MINDY2: variants seen among roughly 807,000 people sequenced by gnomAD.
The protein encoded by MINDY2 is ubiquitin carboxyl-terminal hydrolase MINDY-2.
A neutral mutation model predicts 68.2 loss-of-function variants in MINDY2; 52 were observed. The ratio of observed to expected loss-of-function variants is 0.76; its 90% CI spans 0.61 to 0.96. MINDY2 has a LOEUF of 0.96. MINDY2 is among the 40% of genes least tolerant of loss of function. The pLI, the probability that MINDY2 is intolerant of heterozygous loss-of-function variation, is 0.00. For missense variants in MINDY2, 881 were observed against 773.4 expected, an observed-to-expected ratio of 1.14 and a Z score of -1.65; for synonymous variants, 372 against 303.0, an observed-to-expected ratio of 1.23 and a Z score of -2.36.
chr15:58,854,938 T>C lies in MINDY2; in HGVS notation c.*328T>C, dbSNP rs2033009551. On this transcript the variant is annotated 3_prime_UTR_variant, in exon 9 of 9. Coordinates refer to ENST00000559228, the MANE Select transcript of MINDY2 (RefSeq NM_001040450.3). ...ACTCATATCAGTTAGTAAGCTATTA[T>C]ATCTTCTGTTCTAACAATGAATGGA... The C allele has an allele frequency of 1.1e-5, 2 of 174,324 alleles. No individual in the cohort carries two copies. Among genetic ancestry groups the C allele is most frequent in the Admixed American group, 5.8e-5 (1 of 17,308 alleles). The allele number at this position is 174,324 out of a possible 1,614,324, so 10.8% of individuals were successfully genotyped here.
In MINDY2 at chr15:58,771,627, C is replaced by A. The variant is rs781111103; in HGVS notation, c.232C>A (p.Pro78Thr). ...SPAGSPEVPGPCSSSAGLDLK... is the reference protein window; with the variant it reads ...SPAGSPEVPGTCSSSAGLDLK... ...CGCGGGCTCTCCTGAGGTTCCCGGA[C>A]CCTGCAGCTCCTCCGCGGGTTTGGA... is the stretch of plus-strand genomic sequence containing the variant. The change falls in exon 1 of 9, where the codon CCC becomes ACC. Residue 78 changes from proline (P) to threonine (T), a missense_variant. By Grantham distance (38) the Pro-to-Thr change is conservative. Coordinates refer to ENST00000559228, the MANE Select transcript of MINDY2 (RefSeq NM_001040450.3). 5 of 1,612,226 alleles carry A rather than the reference C, an allele frequency of 3.1e-6. No individual in the cohort carries two copies. The highest frequency in any genetic ancestry group is 4.2e-6 in the Non-Finnish European group (5 of 1,179,864).
intron 4 of MINDY2, among the ~76,000 whole-genome samples, chr15:58,816,642 C>G (rs2030705612): frequency 1.3e-5 from 2 of 151,774 alleles, no homozygotes; most frequent in Admixed American, 1.3e-4. Context: ...CTAAAAAGAT[C>G]ACTATACAGA....
At chr15:58,836,334 A>G (rs1350214649) in intron 6 of MINDY2, among the ~76,000 whole-genome samples, 1 of 151,402 alleles carries the variant, frequency 6.6e-6, no homozygotes, top group African/African-American at 2.4e-5. Flanking sequence ...AATCTAGTCC[A>G]TATTCAAATT....
At chr15:58,799,126 A>G (rs142425188) in intron 2 of MINDY2, among the ~76,000 whole-genome samples, 1 of 152,354 alleles carries the variant, frequency 6.6e-6, no homozygotes, top group African/African-American at 2.4e-5. Flanking sequence ...TGATGTAGGC[A>G]AAGAAATTCT....
intron 6 of MINDY2, among the ~76,000 whole-genome samples, chr15:58,843,370 G>T (rs1595776165): frequency 6.6e-6 from 1 of 151,976 alleles, no homozygotes; most frequent in African/African-American, 2.4e-5. Flanking sequence ...AGGCAGGTCT[G>T]AAACTCCTGA....
intron 3 of MINDY2, among the ~76,000 whole-genome samples, chr15:58,803,945 G>GAA (rs34082956): frequency 2.6e-4 from 20 of 77,230 alleles, no homozygotes; most frequent in South Asian, 4.5e-4. Context: ...CAGCTCTACT[G>GAA]AAAAAAAAAA....
intron 4 of MINDY2, among the ~76,000 whole-genome samples, chr15:58,812,544 C>T (rs2140979233): frequency 6.6e-6 from 1 of 151,702 alleles, no homozygotes; most frequent in Middle Eastern, 3.4e-3. Flanking sequence ...AATATCAAAA[C>T]CAGGAAATTG....
intron 7 of MINDY2, among the ~76,000 whole-genome samples, chr15:58,850,429 AAAT>A (rs532447329): frequency 1.3e-3 from 202 of 152,326 alleles, no homozygotes; most frequent in Non-Finnish European, 1.9e-3. Context: ...GAATGTAGAA[AAAT>A]AATAATAAAC....
At chr15:58,818,756 C>T (rs1358714073) in intron 4 of MINDY2, among the ~76,000 whole-genome samples, 1 of 150,622 alleles carries the variant, frequency 6.6e-6, no homozygotes, top group East Asian at 2.0e-4. Flanking sequence ...CCTCCTGTCT[C>T]AGCCTCCCAA....
At chr15:58,826,251 T>C (rs2141009153) in intron 5 of MINDY2, among the ~76,000 whole-genome samples, 1 of 133,402 alleles carries the variant, frequency 7.5e-6, no homozygotes, top group South Asian at 2.3e-4. Flanking sequence ...TTTTTTGAGA[T>C]GGAGTTTTGC....
chr15:58,819,202 A>G lies in MINDY2; in HGVS notation c.1123-2515A>G, dbSNP rs11638653. Among the ~76,000 whole-genome samples, 935 of 152,314 alleles carry G rather than the reference A, an allele frequency of 6.1e-3. 4 individuals carry two copies. The highest frequency in any genetic ancestry group is 8.0e-3 in the Non-Finnish European group (544 of 68,036). On this transcript the variant is annotated intron_variant, in intron 4 of 8. Coordinates refer to ENST00000559228, the MANE Select transcript of MINDY2 (RefSeq NM_001040450.3). ...GGTGGCTAACGCCTGTGATCCCAAC[A>G]TTTTGAAAGACCAAGATGGGAGAAT...
intron 4 of MINDY2, chr15:58,815,814 G>A (rs1051823904): frequency 2.6e-5 from 4 of 152,016 alleles, no homozygotes; most frequent in Non-Finnish European, 5.9e-5. Flanking sequence ...TGAGCAGCTG[G>A]GACTATAGGC....
intron 7 of MINDY2, 121 bp from the exon 8 acceptor site, chr15:58,851,650 A>T (rs1296726100): frequency 1.3e-5 from 10 of 769,842 alleles, no homozygotes; most frequent in African/African-American, 3.7e-5. Context: ...TATATTGCCC[A>T]GGCCTGGTGT....
chr15:58,804,913 A>G (rs1408390850), intron 3 of MINDY2, among the ~76,000 whole-genome samples: 1 of 152,178 alleles, frequency 6.6e-6, no homozygotes, highest in Non-Finnish European at 1.5e-5. Context: ...GGATTACTTG[A>G]GCCTAGGAGT....
intron 2 of MINDY2, among the ~76,000 whole-genome samples, chr15:58,792,918 C>T (rs565587515): frequency 1.6e-4 from 24 of 151,914 alleles, no homozygotes; most frequent in African/African-American, 5.5e-4. Flanking sequence ...GGGAGGATCA[C>T]TTGAACCCAG....
chr15:58,774,544 C>T (rs2140886791), intron 1 of MINDY2, among the ~76,000 whole-genome samples: 1 of 151,268 alleles, frequency 6.6e-6, no homozygotes, highest in South Asian at 2.1e-4. Flanking sequence ...GCAAATCTGC[C>T]CTCGTGTAGC....
rs547008527 is a variant in MINDY2, at chr15:58,772,050, A to C, written c.655A>C (p.Lys219Gln). ...AVLPGAVPLCKEEEGEETAQV... is the reference protein window; with the variant it reads ...AVLPGAVPLCQEEEGEETAQV... ...GTTGCCCGGGGCTGTTCCTCTGTGC[A>C]AGGAGGAGGAGGGGGAGGAGACCGC... is the stretch of plus-strand genomic sequence containing the variant. Residue 219 changes from lysine (K) to glutamine (Q), a missense_variant, in exon 1 of 9, where the codon AAG becomes CAG. Lys to Gln is a moderately conservative substitution (Grantham distance 53). Transcript: ENST00000559228. The C allele has an allele frequency of 1.6e-5, 25 of 1,609,206 alleles. No homozygotes were observed. The highest frequency in any genetic ancestry group is 1.5e-4 in the South Asian group (14 of 90,412).
intron 1 of MINDY2, among the ~76,000 whole-genome samples, chr15:58,774,557 ACTAT>A (rs67582319): frequency 5.0e-4 from 76 of 152,056 alleles, no homozygotes; most frequent in Non-Finnish European, 9.6e-4. Flanking sequence ...CGTGTAGCTG[ACTAT>A]CTAGTGGGAT....
intron 8 of MINDY2, among the ~76,000 whole-genome samples, chr15:58,852,922 G>GTTTTTTTTTTTTTTT (rs746154698): frequency 2.0e-5 from 1 of 48,968 alleles, no homozygotes; most frequent in African/African-American, 7.5e-5. Context: ...TGCTGTTCCT[G>GTTTTTTTTTTTTTTT]TTTTTTTTTT....
Sources: allele counts gnomAD v4.1 joint callset (sites outside exome capture counted in the v4.1 genomes callset), GRCh38; gene constraint gnomAD v4.1.1; transcripts MANE v1.5; gene names NCBI Gene and HGNC (gene_info 2026-07-23, HGNC 2026-07-21).